The following SLC30A8 variants were observed in gnomAD, a reference collection of about 807,000 sequenced individuals.
SLC30A8 encodes solute carrier family 30 member 8.
Under a neutral mutation model 36.9 loss-of-function variants are expected in SLC30A8, and 27 were observed. The ratio of observed to expected loss-of-function variants is 0.73; its 90% CI spans 0.54 to 1.01. The LOEUF (loss-of-function observed/expected upper bound fraction) is 1.01, where lower values mean the gene tolerates loss of function less well. Among genes scored for constraint, SLC30A8 ranks in the 50% least tolerant of loss-of-function variants. The pLI, the probability that SLC30A8 is intolerant of heterozygous loss-of-function variation, is 0.00. For synonymous variants in SLC30A8, 164 were observed against 172.4 expected (o/e 0.95, Z 0.38); for missense variants, 439 against 452.0 (o/e 0.97, Z 0.26).
In SLC30A8 at chr8:117,038,815, A is replaced by G. The variant is rs555410724; in HGVS notation, c.-265-404A>G. ...TCACAATTCCCCTGGGTAACCAATA[A>G]GATGATTTTAAACTAAAAGATAGCT... is the stretch of plus-strand genomic sequence containing the variant. On this transcript the variant is annotated intron_variant, in intron 1 of 10. Coordinates refer to the SLC30A8 transcript ENST00000427715. 3.3e-5 allele frequency among the ~76,000 whole-genome samples: 5 copies of G among 152,352 alleles called. No individual in the cohort carries two copies. In the South Asian group the frequency reaches 8.3e-4, roughly 25 times the overall value.
intron 2 of SLC30A8, among the ~76,000 whole-genome samples, chr8:117,150,901 G>A (rs957609288): frequency 6.6e-5 from 10 of 151,914 alleles, no homozygotes; most frequent in African/African-American, 9.7e-5. Context: ...CACCAAGCCC[G>A]GCCAGAAGTC....
intron 2 of SLC30A8, among the ~76,000 whole-genome samples, chr8:117,122,998 A>C (rs939376687): frequency 2.0e-5 from 3 of 152,022 alleles, no homozygotes; most frequent in Non-Finnish European, 4.4e-5. Context: ...AGTTGGACTT[A>C]TTCACTGTTG....
At chr8:117,133,526 T>C (rs1384243003), upstream of SLC30A8, among the ~76,000 whole-genome samples, 1 of 152,036 alleles carries the variant, frequency 6.6e-6, no homozygotes, top group Non-Finnish European at 1.5e-5. Context: ...CCAAATATTC[T>C]CCTTCCTGAT....
At chr8:117,140,952 TAGAA>T (rs1355132205) in intron 1 of SLC30A8, among the ~76,000 whole-genome samples, 13 of 152,168 alleles carry the variant, frequency 8.5e-5, no homozygotes, top group Middle Eastern at 3.4e-3. Context: ...GATAAATTCA[TAGAA>T]AGACACCGAC....
Position 117,135,209 on chromosome 8 carries a change from G to T in SLC30A8, c.-119G>T. ...AGGAAGCTCATTATTTTAATTTCTG[G>T]AGCCTTTTAATTTTTTCTTTAGAAA... On this transcript the variant is annotated 5_prime_UTR_variant, in exon 1 of 8. Transcript: ENST00000456015. 1 of 580,290 alleles carries T rather than the reference G, an allele frequency of 1.7e-6. No individual in the cohort carries two copies. The highest frequency in any genetic ancestry group is 2.9e-6 in the Non-Finnish European group (1 of 341,334). The allele number at this position is 580,290 out of a possible 1,614,324, so 35.9% of individuals were successfully genotyped here. A position where few individuals can be genotyped will look rare whatever the true frequency, so the allele number is the denominator to read the frequency against.
At chr8:117,020,118 T>C (rs930191356) in intron 1 of SLC30A8, among the ~76,000 whole-genome samples, 1 of 152,220 alleles carries the variant, frequency 6.6e-6, no homozygotes, top group African/African-American at 2.4e-5. Context: ...GGGGAGGATT[T>C]GCAGCCAGTT....
intron 2 of SLC30A8, among the ~76,000 whole-genome samples, chr8:117,075,517 C>T (rs1818462193): frequency 6.6e-6 from 1 of 152,202 alleles, no homozygotes; most frequent in African/African-American, 2.4e-5. Context: ...TTCCTTTCCT[C>T]TTGAGAGTTC....
intron 1 of SLC30A8, among the ~76,000 whole-genome samples, chr8:116,969,951 G>GA (rs539975674): frequency 1.3e-3 from 190 of 151,788 alleles, no homozygotes; most frequent in African/African-American, 4.5e-3. Context: ...ACTAAATATA[G>GA]AAAAAAATTT....
chr8:117,035,826 A>C (rs111953267), intron 1 of SLC30A8, among the ~76,000 whole-genome samples: 87 of 152,334 alleles, frequency 5.7e-4, no homozygotes, highest in African/African-American at 2.0e-3. Context: ...GGAAGCTGCC[A>C]AGGCTTGGAG....
intron 2 of SLC30A8, chr8:117,039,293 A>T (rs894257452): frequency 1.3e-5 from 2 of 152,190 alleles, no homozygotes; most frequent in Non-Finnish European, 2.9e-5. Context: ...TGTGAGAGGG[A>T]GATCAATATG....
At chr8:117,129,247 AC>A (rs1194691322) in intron 2 of SLC30A8, among the ~76,000 whole-genome samples, 2 of 152,126 alleles carry the variant, frequency 1.3e-5, no homozygotes, top group Non-Finnish European at 2.9e-5. Flanking sequence ...TTGTGCTCAA[AC>A]TTTAGGACTA....
chr8:117,039,972 G>T (rs180788773), intron 2 of SLC30A8, among the ~76,000 whole-genome samples: 289 of 152,058 alleles, frequency 1.9e-3, no homozygotes, highest in African/African-American at 6.8e-3. Flanking sequence ...CTTCCTTTAG[G>T]TCATGATGCT....
intron 1 of SLC30A8, among the ~76,000 whole-genome samples, chr8:117,017,043 A>G (rs768981271): frequency 6.6e-6 from 1 of 152,126 alleles, no homozygotes; most frequent in Non-Finnish European, 1.5e-5. Context: ...GATGCTTGAT[A>G]CTGTGTGACC....
intron 1 of SLC30A8, among the ~76,000 whole-genome samples, chr8:117,036,604 C>T (rs1035719978): frequency 4.6e-5 from 7 of 152,064 alleles, no homozygotes; most frequent in South Asian, 4.1e-4. Flanking sequence ...TCTTACATGG[C>T]GACAGGCAAG....
At position 117,171,141 on chromosome 8, in the gene SLC30A8, G is replaced by GTAA; in HGVS notation, c.939_941dup (p.Ile314dup). On this transcript the variant is annotated inframe_insertion, in exon 7 of 8. Transcript: ENST00000456015. Reference sequence around the variant, plus strand: ...CATCTGGTCTCTAACAATGAATCAAGTAATTCTCTCAGCTCATGTTGCTAC... The same window carrying GTAA: ...CATCTGGTCTCTAACAATGAATCAAGTAATAATTCTCTCAGCTCATGTTGCTAC... The GTAA allele has an allele frequency of 6.2e-7, 1 of 1,613,534 alleles. No homozygotes were observed. Among genetic ancestry groups the GTAA allele is most frequent in the Non-Finnish European group, 8.5e-7 (1 of 1,179,632 alleles).
intron 2 of SLC30A8, among the ~76,000 whole-genome samples, chr8:117,064,027 C>T (rs150276843): frequency 1.1e-3 from 165 of 151,438 alleles, no homozygotes; most frequent in African/African-American, 3.5e-3. Context: ...GAGGGAATTT[C>T]GCTCTTGTTG....
At chr8:116,952,462 C>T (rs1183427802) in intron 1 of SLC30A8, among the ~76,000 whole-genome samples, 12 of 151,270 alleles carry the variant, frequency 7.9e-5, no homozygotes, top group East Asian at 7.8e-4. Context: ...TTTTTTTTTC[C>T]GAGACAGAGT....
chr8:116,960,962 T>C (rs1304521847), intron 1 of SLC30A8, among the ~76,000 whole-genome samples: 1 of 152,036 alleles, frequency 6.6e-6, no homozygotes, highest in Non-Finnish European at 1.5e-5. Context: ...TGAGTATCCT[T>C]AAGATCTCTG....
At chr8:117,138,279 A>C (rs191450221) in intron 1 of SLC30A8, among the ~76,000 whole-genome samples, 82 of 152,100 alleles carry the variant, frequency 5.4e-4, no homozygotes, top group African/African-American at 1.8e-3. Flanking sequence ...AACTGCTAAA[A>C]ATTATAAAAA....
Sources: gnomAD v4.1 joint callset for allele counts (sites outside exome capture counted in the v4.1 genomes callset) on GRCh38, gnomAD v4.1.1 for gene constraint, MANE v1.5 for transcripts, NCBI Gene and HGNC (gene_info 2026-07-23, HGNC 2026-07-21) for gene names.